Variants in RPS6KA6 observed in about 807,000 individuals in gnomAD.
RPS6KA6 encodes the protein ribosomal protein S6 kinase alpha-6.
Under a neutral mutation model 65.4 loss-of-function variants are expected in RPS6KA6, and 27 were observed. That is an observed-to-expected ratio of 0.41 (90% confidence interval 0.30 to 0.57). The LOEUF (loss-of-function observed/expected upper bound fraction) is 0.57, where lower values mean the gene tolerates loss of function less well. Among genes scored for constraint, RPS6KA6 ranks in the 20% least tolerant of loss-of-function variants. The pLI is 0.24. For synonymous variants in RPS6KA6, 190 were observed against 184.2 expected, an observed-to-expected ratio of 1.03 and a Z score of -0.26; for missense variants, 486 against 555.6, an observed-to-expected ratio of 0.87 and a Z score of 1.26.
intron 8 of RPS6KA6, among the ~76,000 whole-genome samples, chrX:84,130,336 C>T (rs1602439039): frequency 9.0e-6 from 1 of 110,964 alleles, no homozygotes; most frequent in East Asian, 2.8e-4. Context: ...ATTAGAATAG[C>T]TAAAATAAAA....
chrX:84,113,063 G>A (rs1007217918), intron 12 of RPS6KA6, among the ~76,000 whole-genome samples: 2 of 111,256 alleles, frequency 1.8e-5, no homozygotes, highest in African/African-American at 6.5e-5. Context: ...AACTAGAAAA[G>A]CTAGATGATG....
chrX:84,162,358 A>G (rs1197860191), intron 2 of RPS6KA6, among the ~76,000 whole-genome samples: 1 of 111,724 alleles, frequency 9.0e-6, no homozygotes, highest in Non-Finnish European at 1.9e-5. Context: ...TTATTGACAC[A>G]AATTGAGTAC....
rs1250495305 is a variant in RPS6KA6 at position 84,065,051 on chromosome X, A to G, written c.2032T>C (p.Leu678=). The change falls in exon 21 of 22, where the codon TTA becomes CTA. Residue 678 remains leucine, a synonymous_variant. Coordinates refer to ENST00000262752, the MANE Select transcript of RPS6KA6 (RefSeq NM_014496.5). ...CTGTGAGTTATCCATGAGTGCTTTA[A>G]TATTTGTTCAGCAGTATACCGCTGA... The part of the protein sequence containing the change: ...PHQRYTAEQI[L]KHSWITHRDQ... 3.3e-6 allele frequency: 4 copies of G among 1,203,804 alleles called. No homozygotes were observed. The highest frequency in any genetic ancestry group is 4.5e-6 in the Non-Finnish European group (4 of 888,876).
At chrX:84,080,325 T>A (rs776269196) in intron 20 of RPS6KA6, among the ~76,000 whole-genome samples, 15 of 85,279 alleles carry the variant, frequency 1.8e-4, no homozygotes, top group Middle Eastern at 6.1e-3. Flanking sequence ...AGGAATAGCA[T>A]CAACATCAAC....
intron 1 of RPS6KA6, among the ~76,000 whole-genome samples, chrX:84,182,470 T>C (rs761676871): frequency 1.8e-5 from 2 of 110,756 alleles, no homozygotes; most frequent in Non-Finnish European, 1.9e-5. Flanking sequence ...AAGAAAGAAA[T>C]TACAGGAAGG....
rs991083290 is a variant in RPS6KA6 at position 84,150,632 on chromosome X, A to C, written c.259-2509T>G. 2.1e-4 allele frequency among the ~76,000 whole-genome samples: 23 copies of C among 109,110 alleles called. No individual in the cohort carries two copies. In the East Asian group the frequency reaches 6.1e-3, roughly 29 times the overall value. The allele number at this position is 109,110 out of a possible 115,157, so 94.7% of individuals were successfully genotyped here. A position where few individuals can be genotyped will look rare whatever the true frequency, so the allele number is the denominator to read the frequency against. ...GAACACACACACCAGTTATCAATGAAGCTCACTGTCTTATGTGTGCGTGGT... is the reference window on the plus strand; with the variant it reads ...GAACACACACACCAGTTATCAATGACGCTCACTGTCTTATGTGTGCGTGGT... On this transcript the variant is annotated intron_variant, in intron 3 of 21. Coordinates refer to ENST00000262752, the MANE Select transcript of RPS6KA6 (RefSeq NM_014496.5).
intron 12 of RPS6KA6, among the ~76,000 whole-genome samples, chrX:84,112,844 G>C (rs1056141046): frequency 9.0e-6 from 1 of 111,040 alleles, no homozygotes; most frequent in African/African-American, 3.3e-5. Flanking sequence ...ATGAGATTGC[G>C]ACCAAAAAAA....
intron 1 of RPS6KA6, among the ~76,000 whole-genome samples, chrX:84,184,579 T>G (rs1177312888): frequency 1.8e-5 from 2 of 111,204 alleles, no homozygotes; most frequent in Non-Finnish European, 3.8e-5. Flanking sequence ...GAACCCAGAT[T>G]TACCTGCCTT....
intron 5 of RPS6KA6, 118 bp from the exon 6 acceptor site, chrX:84,145,675 G>A (rs755179788): frequency 5.2e-6 from 2 of 387,693 alleles, no homozygotes; most frequent in Non-Finnish European, 8.8e-6. Flanking sequence ...GTTCATTAAT[G>A]GATAACATCT....
intron 8 of RPS6KA6, among the ~76,000 whole-genome samples, chrX:84,128,005 C>A (rs1010244918): frequency 5.4e-5 from 6 of 111,050 alleles, no homozygotes; most frequent in Non-Finnish European, 1.1e-4. Flanking sequence ...AAAGGGCATC[C>A]AAGTGAGAAA....
intron 1 of RPS6KA6, among the ~76,000 whole-genome samples, chrX:84,164,998 C>T (rs1403720535): frequency 1.8e-5 from 2 of 111,330 alleles, no homozygotes; most frequent in African/African-American, 3.3e-5. Context: ...CAAACTATAA[C>T]CCATGAGCTA....
chrX:84,132,649 G>GA (rs72182149), intron 8 of RPS6KA6, among the ~76,000 whole-genome samples: 6,565 of 107,445 alleles, frequency 0.061, 227 homozygotes, highest in East Asian at 0.2. Context: ...AGGATTTCAG[G>GA]AAAAAAACTT....
chrX:84,086,818 A>G (rs1346390594), intron 20 of RPS6KA6, among the ~76,000 whole-genome samples: 1 of 111,485 alleles, frequency 9.0e-6, no homozygotes, highest in African/African-American at 3.3e-5. Context: ...AAGTCTCTCA[A>G]TAACTTGCTT....
intron 2 of RPS6KA6, 120 bp from the exon 3 acceptor site, chrX:84,156,311 T>C (rs1210193664): frequency 9.3e-6 from 4 of 430,122 alleles, no homozygotes; most frequent in Non-Finnish European, 1.7e-5. Flanking sequence ...GAGAGTTTTA[T>C]GGGCTACCAG....
At chrX:84,106,822 CACTTTAAAAAAA>C in intron 14 of RPS6KA6, 76 bp downstream of exon 14, 1 of 751,221 alleles carries the variant, frequency 1.3e-6, no homozygotes, top group South Asian at 3.5e-5. Context: ...AGTTAAAAAT[CACTTTAAAAAAA>C]ACGATTAAAA....
chrX:84,074,887 AT>A (rs2033628782), intron 20 of RPS6KA6, among the ~76,000 whole-genome samples: 1 of 111,642 alleles, frequency 9.0e-6, no homozygotes, highest in Admixed American at 9.5e-5. Context: ...TTAAATAGTT[AT>A]TATAATTGTA....
At chrX:84,096,996 C>A (rs971262625) in intron 19 of RPS6KA6, among the ~76,000 whole-genome samples, 2 of 111,123 alleles carry the variant, frequency 1.8e-5, no homozygotes, top group Non-Finnish European at 3.8e-5. Flanking sequence ...GTAATTAACA[C>A]CAAGCCATTA....
intron 8 of RPS6KA6, among the ~76,000 whole-genome samples, chrX:84,133,633 CCT>C (rs2034942725): frequency 9.0e-6 from 1 of 111,029 alleles, no homozygotes; most frequent in Non-Finnish European, 1.9e-5. Context: ...CTTTTTCCCA[CCT>C]CTCTTTCTCA....
At chrX:84,128,631 C>T (rs1173081899) in intron 8 of RPS6KA6, among the ~76,000 whole-genome samples, 1 of 111,483 alleles carries the variant, frequency 9.0e-6, no homozygotes, top group Non-Finnish European at 1.9e-5. Context: ...TAACATGGTA[C>T]TGTCATAAAA....
Sources: gnomAD v4.1 joint callset for allele counts (sites outside exome capture counted in the v4.1 genomes callset) on GRCh38, gnomAD v4.1.1 for gene constraint, MANE v1.5 for transcripts, NCBI Gene and HGNC (gene_info 2026-07-23, HGNC 2026-07-21) for gene names.